HTR1F: variants seen among roughly 807,000 people sequenced by gnomAD.
HTR1F encodes the protein 5-hydroxytryptamine receptor 1F, also known as 5-hydroxytryptamine (serotonin) receptor 1F, G protein-coupled.
In HTR1F, 17 loss-of-function variants were observed where a neutral mutation model predicts 24.0. The ratio of observed to expected loss-of-function variants is 0.71; its 90% confidence interval spans 0.48 to 1.06. The LOEUF is 1.06. Among genes scored for constraint, HTR1F ranks in the 50% least tolerant of loss-of-function variants. The pLI is 0.00. For missense variants in HTR1F, 391 were observed against 427.8 expected, an observed-to-expected ratio of 0.91 and a Z score of 0.76; for synonymous variants, 186 against 156.8, an observed-to-expected ratio of 1.19 and a Z score of -1.39.
chr3:87,987,528 G>A (rs1438021517), intron 2 of HTR1F, among the ~76,000 whole-genome samples: 1 of 150,294 alleles, frequency 6.7e-6, no homozygotes, highest in Non-Finnish European at 1.5e-5. Context: ...CAACTGAAAA[G>A]AATAGAAACA....
At chr3:87,923,476 TG>T (rs1379452246) in intron 2 of HTR1F, among the ~76,000 whole-genome samples, 1 of 151,960 alleles carries the variant, frequency 6.6e-6, no homozygotes, top group African/African-American at 2.4e-5. Flanking sequence ...TTAAATTCAT[TG>T]CTAGATATTT....
At chr3:87,877,602 A>T (rs575052442) in intron 2 of HTR1F, among the ~76,000 whole-genome samples, 1 of 152,300 alleles carries the variant, frequency 6.6e-6, no homozygotes, top group Non-Finnish European at 1.5e-5. Context: ...GGGCACTGTT[A>T]TTATTCCCAT....
chr3:87,925,266 C>T (rs566625483), intron 2 of HTR1F, among the ~76,000 whole-genome samples: 3 of 152,226 alleles, frequency 2.0e-5, no homozygotes, highest in African/African-American at 7.2e-5. Flanking sequence ...AGATGCTGGG[C>T]AGAACAGTCC....
At chr3:87,840,370 C>T (rs904991155) in intron 2 of HTR1F, among the ~76,000 whole-genome samples, 6 of 151,914 alleles carry the variant, frequency 3.9e-5, no homozygotes, top group African/African-American at 9.7e-5. Flanking sequence ...ATTAAAAATA[C>T]GATGAGACAT....
At chr3:87,955,013 T>A (rs1477882007) in intron 2 of HTR1F, among the ~76,000 whole-genome samples, 4 of 151,322 alleles carry the variant, frequency 2.6e-5, no homozygotes, top group Non-Finnish European at 5.9e-5. Context: ...ATTGTCTCAG[T>A]TATTTGGTGT....
At chr3:87,942,045 G>A (rs189236830) in intron 2 of HTR1F, among the ~76,000 whole-genome samples, 1 of 152,186 alleles carries the variant, frequency 6.6e-6, no homozygotes, top group Non-Finnish European at 1.5e-5. Context: ...ACTTGAACAA[G>A]ATGGGCATTC....
chr3:87,860,638 T>C (rs535456295), intron 2 of HTR1F, among the ~76,000 whole-genome samples: 15 of 151,858 alleles, frequency 9.9e-5, no homozygotes, highest in African/African-American at 3.6e-4. Flanking sequence ...GAGAGATCCA[T>C]TTTTTTTCTA....
intron 2 of HTR1F, among the ~76,000 whole-genome samples, chr3:87,937,751 G>A (rs1233418004): frequency 6.6e-6 from 1 of 151,890 alleles, no homozygotes; most frequent in Non-Finnish European, 1.5e-5. Flanking sequence ...GTGAAACCCC[G>A]TCTCTACTAA....
At chr3:87,867,291 T>C (rs991732048) in intron 2 of HTR1F, among the ~76,000 whole-genome samples, 1 of 151,868 alleles carries the variant, frequency 6.6e-6, no homozygotes. Context: ...TTACAGAACA[T>C]AGAGGCATCA....
chr3:87,969,093 C>T (rs1705231856), intron 2 of HTR1F, among the ~76,000 whole-genome samples: 1 of 152,252 alleles, frequency 6.6e-6, no homozygotes, highest in Non-Finnish European at 1.5e-5. Context: ...ATGGAAACAC[C>T]TGGATGTCCA....
chr3:87,842,972 G>A (rs1704841703), intron 2 of HTR1F, among the ~76,000 whole-genome samples: 1 of 151,796 alleles, frequency 6.6e-6, no homozygotes, highest in Non-Finnish European at 1.5e-5. Flanking sequence ...TCTCGGTAAA[G>A]GACAGTGTTG....
chr3:87,864,389 C>T (rs1705378948), intron 2 of HTR1F, among the ~76,000 whole-genome samples: 1 of 152,116 alleles, frequency 6.6e-6, no homozygotes, highest in African/African-American at 2.4e-5. Flanking sequence ...ATGGGTTGTT[C>T]TGGTCAGCCA....
rs17025177 is a variant in HTR1F at position 87,928,773 on chromosome 3, C to T, written c.-42-61935C>T. On this transcript the variant is annotated intron_variant, in intron 2 of 2. Transcript: ENST00000319595. Reference sequence around the variant, plus strand: ...ATAACACAGAAACTAAGCAAGACCACTGATAAACAGGAGAAGAAAAGGAAA... The same window carrying T: ...ATAACACAGAAACTAAGCAAGACCATTGATAAACAGGAGAAGAAAAGGAAA... Among the ~76,000 whole-genome samples the T allele has an allele frequency of 9.9e-4, 150 of 152,212 alleles. 2 individuals are homozygous for T. The East Asian group carries it at 0.028, about 28-fold the overall frequency.
intron 2 of HTR1F, among the ~76,000 whole-genome samples, chr3:87,928,260 G>C (rs1217424585): frequency 6.6e-6 from 1 of 151,930 alleles, no homozygotes; most frequent in African/African-American, 2.4e-5. Context: ...TGGCCAGGCT[G>C]GTCTCAAACT....
At chr3:87,865,732 T>G (rs1705413410) in intron 2 of HTR1F, among the ~76,000 whole-genome samples, 1 of 152,182 alleles carries the variant, frequency 6.6e-6, no homozygotes, top group African/African-American at 2.4e-5. Flanking sequence ...TAAAAAATTA[T>G]AATTTATTTA....
At chr3:87,875,742 G>A (rs2107267521) in intron 2 of HTR1F, among the ~76,000 whole-genome samples, 1 of 151,770 alleles carries the variant, frequency 6.6e-6, no homozygotes, top group Admixed American at 6.6e-5. Flanking sequence ...GGCTAACACG[G>A]TGAAACCCCA....
intron 2 of HTR1F, among the ~76,000 whole-genome samples, chr3:87,931,741 T>C (rs1312840480): frequency 6.6e-6 from 1 of 151,836 alleles, no homozygotes; most frequent in Non-Finnish European, 1.5e-5. Context: ...ATTGGCATTC[T>C]AACTGGTGTG....
chr3:87,830,916 A>G (rs1485193376), intron 2 of HTR1F, among the ~76,000 whole-genome samples: 1 of 152,222 alleles, frequency 6.6e-6, no homozygotes, highest in Non-Finnish European at 1.5e-5. Context: ...TGGCACATGT[A>G]TTGATATTTG....
At position 87,991,532 on chromosome 3, in the gene HTR1F, T is replaced by A. The variant is rs6301; in HGVS notation, c.783T>A (p.Ile261=). The change falls in exon 3 of 3, where the codon ATT becomes ATA. Residue 261 remains isoleucine, a synonymous_variant. Coordinates refer to ENST00000319595, the MANE Select transcript of HTR1F (RefSeq NM_001322209.2). ...ACCCATCAACAGACTTTGATAAAAT[T>A]CATAGCACAGTGAGAAGTCTCAGGT... ...LSDPSTDFDK[I]HSTVRSLRSE... 0.013 allele frequency: 21,646 copies of A among 1,613,954 alleles called. 176 individuals are homozygous for A. The highest frequency in any genetic ancestry group is 0.021 in the African/African-American group (1,577 of 75,022).
Sources: allele counts gnomAD v4.1 joint callset (sites outside exome capture counted in the v4.1 genomes callset), GRCh38; gene constraint gnomAD v4.1.1; transcripts MANE v1.5; gene names NCBI Gene and HGNC (gene_info 2026-07-23, HGNC 2026-07-21).